SPEG: variants seen among roughly 807,000 people sequenced by gnomAD.
SPEG encodes the protein striated muscle enriched protein kinase, also known as striated muscle preferentially expressed protein kinase.
A neutral mutation model predicts 300.4 loss-of-function variants in SPEG; 114 were observed. The observed-to-expected ratio is 0.38, with a 90% CI of 0.33 to 0.44. The LOEUF (loss-of-function observed/expected upper bound fraction) is 0.44. SPEG is among the 20% of genes least tolerant of loss of function. SPEG has a pLI of 1.00. For synonymous variants in SPEG, 1,964 were observed against 2,018.9 expected, an observed-to-expected ratio of 0.97 and a Z score of 0.73; for missense variants, 4,201 against 4,586.2, an observed-to-expected ratio of 0.92 and a Z score of 2.43.
At chr2:219,462,535 C>T (rs1435391380) in intron 8 of SPEG, 149 bp downstream of exon 8, 2 of 627,926 alleles carry the variant, frequency 3.2e-6, no homozygotes, top group Non-Finnish European at 5.5e-6. Context: ...GCAGTGTACT[C>T]CCCCCGGCAC....
Position 219,448,912 on chromosome 2 carries a change from G to C in SPEG, c.1754G>C (p.Gly585Ala). ...GPAGRTEPGE[G>A]PQQEVRRRDQ... ...GCGGGCAGGACAGAGCCGGGGGAAG[G>C]CCCGCAGCAGGAGGTTAGGCGTCGG... is the stretch of plus-strand genomic sequence containing the variant. Residue 585 changes from glycine (G) to alanine (A), a missense_variant, in exon 4 of 41, where the codon GGC (glycine) becomes GCC (alanine). Gly to Ala is a moderately conservative substitution (Grantham distance 60, BLOSUM62 0). Coordinates refer to ENST00000312358, the MANE Select transcript of SPEG (RefSeq NM_005876.5). The C allele has an allele frequency of 6.8e-7, 1 of 1,466,000 alleles. No individual in the cohort carries two copies. Among genetic ancestry groups the C allele is most frequent in the Middle Eastern group, 1.9e-4 (1 of 5,232 alleles). The allele number at this position is 1,466,000 out of a possible 1,614,324, so 90.8% of individuals were successfully genotyped here. A position where few individuals can be genotyped will look rare whatever the true frequency, so the allele number is the denominator to read the frequency against.
In SPEG at chr2:219,491,727, G is replaced by C. The variant is rs6747041; in HGVS notation, c.9386-67G>C. 440,015 of 1,298,348 alleles carry C rather than the reference G, an allele frequency of 0.34. 76,820 individuals carry two copies. The highest frequency in any genetic ancestry group is 0.48 in the South Asian group (39,243 of 81,594). The allele number at this position is 1,298,348 out of a possible 1,614,324, so 80.4% of individuals were successfully genotyped here. ...TTGTCCTGCTGCTCAAGCACCCAGG[G>C]ACCTCCCCCGCCCCCACTTCCCTGC... is the stretch of plus-strand genomic sequence containing the variant. On this transcript the variant is annotated intron_variant, in intron 38 of 40. Coordinates refer to ENST00000312358, the MANE Select transcript of SPEG (RefSeq NM_005876.5).
At position 219,481,745 on chromosome 2, in the gene SPEG, T is replaced by C. The variant is rs1692864270; in HGVS notation, c.5565+65T>C. Reference sequence around the variant, plus strand: ...GGAGAGAGAATGTTACTAACAGCTCTATTTATTGAGTACCTACTGTGTGCA... The same window carrying C: ...GGAGAGAGAATGTTACTAACAGCTCCATTTATTGAGTACCTACTGTGTGCA... On this transcript the variant is annotated intron_variant, in intron 28 of 40. Coordinates refer to ENST00000312358, the MANE Select transcript of SPEG (RefSeq NM_005876.5). This position sits in a 1 kb window ranked among gnomAD's most constrained non-coding sequence, Gnocchi z 5.4. The C allele has an allele frequency of 1.4e-6, 2 of 1,437,510 alleles. No homozygotes were observed. The highest frequency in any genetic ancestry group is 2.0e-6 in the Non-Finnish European group (2 of 1,020,130). The allele number at this position is 1,437,510 out of a possible 1,614,324, so 89.0% of individuals were successfully genotyped here.
At chr2:219,449,372 G>C (rs1336676821) in intron 4 of SPEG, 101 bp downstream of exon 4, 3 of 944,278 alleles carry the variant, frequency 3.2e-6, no homozygotes, top group Non-Finnish European at 1.4e-6. Flanking sequence ...CGGGGGTTTC[G>C]CCTGGGGCTG....
intron 31 of SPEG, among the ~76,000 whole-genome samples, chr2:219,487,596 T>C (rs1477149696): frequency 2.0e-5 from 3 of 152,020 alleles, no homozygotes; most frequent in Admixed American, 1.3e-4. Context: ...CCTGAAGGAG[T>C]ATACAGAAGA....
Position 219,477,137 on chromosome 2 carries a change from A to C in SPEG, c.4561-140A>C. The C allele has an allele frequency of 1.0e-6, 1 of 989,460 alleles. No individual in the cohort carries two copies. Among genetic ancestry groups the C allele is most frequent in the African/African-American group, 1.6e-5 (1 of 63,330 alleles). 61.3% of individuals were successfully genotyped at this position (989,460 alleles called of 1,614,324 possible). A position where few individuals can be genotyped will look rare whatever the true frequency, so the allele number is the denominator to read the frequency against. ...AGAGGACTGACTAGCTGAGGGGTGC[A>C]GGGCTTTCTGTGGGAGATAAGGGAG... On this transcript the variant is annotated intron_variant, in intron 19 of 40. Transcript: ENST00000312358. The surrounding 1 kb of genome is among the most constrained non-coding windows in gnomAD (Gnocchi z 6.4).
chr2:219,444,573 G>A lies in SPEG; in HGVS notation c.389-80G>A. On this transcript the variant is annotated intron_variant, in intron 1 of 40. Coordinates refer to ENST00000312358, the MANE Select transcript of SPEG (RefSeq NM_005876.5). This position sits in a 1 kb window ranked among gnomAD's most constrained non-coding sequence, Gnocchi z 7.8. Reference sequence around the variant, plus strand: ...AGTGATAAGATGGAGCCTGCTGTTGGCAGGGAGGCAGAAGGCAATAGGGAA... The same window carrying A: ...AGTGATAAGATGGAGCCTGCTGTTGACAGGGAGGCAGAAGGCAATAGGGAA... 8.3e-7 allele frequency: 1 copy of A among 1,206,278 alleles called. No individual in the cohort carries two copies. The highest frequency in any genetic ancestry group is 1.2e-6 in the Non-Finnish European group (1 of 818,468). The allele number at this position is 1,206,278 out of a possible 1,614,324, so 74.7% of individuals were successfully genotyped here. A position where few individuals can be genotyped will look rare whatever the true frequency, so the allele number is the denominator to read the frequency against.
In SPEG at chr2:219,469,161, A is replaced by C; in HGVS notation, c.3497A>C (p.Lys1166Thr). The C allele has an allele frequency of 6.2e-7, 1 of 1,613,854 alleles. No individual in the cohort carries two copies. Among genetic ancestry groups the C allele is most frequent in the Non-Finnish European group, 8.5e-7 (1 of 1,179,978 alleles). Residue 1166 changes from lysine (K) to threonine (T), a missense_variant, in exon 13 of 41, where the codon AAG becomes ACG. Lys to Thr is a moderately conservative substitution (Grantham distance 78). Around this residue, in one of 4 missense-constraint regions of SPEG, gnomAD observed 1,047 missense variants for 1,356.8 expected, o/e 0.77. Coordinates refer to ENST00000312358, the MANE Select transcript of SPEG (RefSeq NM_005876.5). ...GCAGCTGTGTGGTCTTGCAGCTCGA[A>C]GCTGGAGAAGATGCCATCCATTCCC... The part of the protein sequence containing the change: ...PRTAASGPSS[K>T]LEKMPSIPEE...
chr2:219,483,300 C>T lies in SPEG; in HGVS notation c.5837C>T (p.Ser1946Phe). The change falls in exon 30 of 41, where the codon TCC becomes TTC. Residue 1946 changes from serine (S) to phenylalanine (F), a missense_variant. This residue lies in a region of SPEG where 1,578 missense variants were observed against 1,506.0 expected (regional missense o/e 1.05). Transcript: ENST00000312358. Reference protein sequence around the residue: ...PRPLQPEFSGSRVSLTDIPTE... With the variant: ...PRPLQPEFSGFRVSLTDIPTE... ...CCACTGCAGCCCGAGTTCTCTGGCT[C>T]CCGGGTGTCCCTCACAGACATTCCC... is the stretch of plus-strand genomic sequence containing the variant. 6.2e-7 allele frequency: 1 copy of T among 1,606,370 alleles called. No individual in the cohort carries two copies. The highest frequency in any genetic ancestry group is 8.5e-7 in the Non-Finnish European group (1 of 1,176,530).
At position 219,493,452 on chromosome 2, in the gene SPEG, G is replaced by T; in HGVS notation, c.*666G>T. 2.4e-6 allele frequency: 1 copy of T among 424,534 alleles called. No homozygotes were observed. Among genetic ancestry groups the T allele is most frequent in the South Asian group, 1.7e-5 (1 of 58,252 alleles). The allele number at this position is 424,534 out of a possible 1,614,324, so 26.3% of individuals were successfully genotyped here. Reference sequence around the variant, plus strand: ...CTGGGCGCTCTGCTGGCCCAAGGATGTCCCCACTGCCCCTCCATGGCCTCT... The same window carrying T: ...CTGGGCGCTCTGCTGGCCCAAGGATTTCCCCACTGCCCCTCCATGGCCTCT... On this transcript the variant is annotated 3_prime_UTR_variant, in exon 41 of 41. Coordinates refer to ENST00000312358, the MANE Select transcript of SPEG (RefSeq NM_005876.5).
chr2:219,481,406 G>A lies in SPEG; in HGVS notation c.5472G>A (p.Leu1824=). Residue 1824 remains leucine, a synonymous_variant, in exon 27 of 41, where the codon CTG becomes CTA. Coordinates refer to ENST00000312358, the MANE Select transcript of SPEG (RefSeq NM_005876.5). This position sits in a 1 kb window ranked among gnomAD's most constrained non-coding sequence, Gnocchi z 5.4. ...TCGAGGAGACCACATTCCTGAGCCT[G>A]AGCAGGGAGGCCCGGGGCTTCCTCA... The part of the protein sequence containing the change: ...VAFEETTFLS[L]SREARGFLIK... 2 of 1,614,180 alleles carry A rather than the reference G, an allele frequency of 1.2e-6. No individual in the cohort carries two copies. The highest frequency in any genetic ancestry group is 1.7e-6 in the Non-Finnish European group (2 of 1,180,018).
Position 219,481,147 on chromosome 2 carries a change from C to T in SPEG, c.5370-157C>T, listed in dbSNP as rs1050349414. The stretch of plus-strand genomic sequence containing the variant: ...CAGGGGGGCTGGGGAGGGGACAGGG[C>T]AGGAGAGAGTCCGCAGCCTCACCTC... On this transcript the variant is annotated intron_variant, in intron 26 of 40. Transcript: ENST00000312358. This position sits in a 1 kb window ranked among gnomAD's most constrained non-coding sequence, Gnocchi z 5.4. Among the ~76,000 whole-genome samples, 18 of 152,128 alleles carry T rather than the reference C, an allele frequency of 1.2e-4. No homozygotes were observed. Among genetic ancestry groups the T allele is most frequent in the Admixed American group, 1.1e-3 (17 of 15,270 alleles).
At position 219,477,019 on chromosome 2, in the gene SPEG, G is replaced by T; in HGVS notation, c.4560+37G>T. On this transcript the variant is annotated intron_variant, in intron 19 of 40. Transcript: ENST00000312358. The surrounding 1 kb of genome is among the most constrained non-coding windows in gnomAD (Gnocchi z 6.4). ...CTGCTGGCTGAGCCTGGGGGAGGGAGGAGGGGCTCCCTGGGGGCGTGGGAG... is the reference window on the plus strand; with the variant it reads ...CTGCTGGCTGAGCCTGGGGGAGGGATGAGGGGCTCCCTGGGGGCGTGGGAG... The T allele has an allele frequency of 6.5e-7, 1 of 1,539,198 alleles. No homozygotes were observed.
At position 219,488,582 on chromosome 2, in the gene SPEG, G is replaced by A. The variant is rs773671133; in HGVS notation, c.7943G>A (p.Gly2648Asp). 7 of 1,612,126 alleles carry A rather than the reference G, an allele frequency of 4.3e-6. No individual in the cohort carries two copies. Among genetic ancestry groups the A allele is most frequent in the African/African-American group, 4.0e-5 (3 of 74,908 alleles). The part of the protein sequence containing the change: ...GRQLLSIPRA[G>D]KRHAGLYECS... ...CAGCTGCTCAGCATCCCCCGGGCGGGCAAGCGGCACGCCGGTCTCTATGAG... is the reference window on the plus strand; with the variant it reads ...CAGCTGCTCAGCATCCCCCGGGCGGACAAGCGGCACGCCGGTCTCTATGAG... The change falls in exon 33 of 41, where the codon GGC becomes GAC. Residue 2648 changes from glycine (G) to aspartate (D), a missense_variant. Around this residue, in one of 4 missense-constraint regions of SPEG, gnomAD observed 1,578 missense variants for 1,506.0 expected, o/e 1.05. Coordinates refer to ENST00000312358, the MANE Select transcript of SPEG (RefSeq NM_005876.5).
rs1690600504 is a variant in SPEG at position 219,460,715 on chromosome 2, TGGTCTCG to T, written c.2441-1165_2441-1159del. ...TCCACACCAGGGCCCAGGCTGCCTG[TGGTCTCG>T]GCAGGCACCACCTTCCTAGCCAGCT... On this transcript the variant is annotated intron_variant, in intron 6 of 40. Coordinates refer to ENST00000312358, the MANE Select transcript of SPEG (RefSeq NM_005876.5). 1.2e-5 allele frequency: 12 copies of T among 984,344 alleles called. No individual in the cohort carries two copies. The South Asian group carries it at 5.7e-4, about 47-fold the overall frequency. The allele number at this position is 984,344 out of a possible 1,614,324, so 61.0% of individuals were successfully genotyped here. A position where few individuals can be genotyped will look rare whatever the true frequency, so the allele number is the denominator to read the frequency against.
At chr2:219,467,633 C>G (rs975781719) in intron 10 of SPEG, among the ~76,000 whole-genome samples, 199 bp downstream of exon 10, 11 of 152,240 alleles carry the variant, frequency 7.2e-5, no homozygotes, top group Admixed American at 7.2e-4. Context: ...AAGGCCGCAA[C>G]AGGGTTAACT....
Position 219,483,158 on chromosome 2 carries a change from G to C in SPEG, c.5695G>C (p.Ala1899Pro), listed in dbSNP as rs563985830. The change falls in exon 30 of 41, where the codon GCC (alanine) becomes CCC (proline). Residue 1899 changes from alanine (A) to proline (P), a missense_variant. Physicochemically the swap from Ala to Pro is conservative, Grantham distance 27 (BLOSUM62 -1). This residue lies in a region of SPEG where 1,578 missense variants were observed against 1,506.0 expected (regional missense o/e 1.05). Transcript: ENST00000312358. ...VLRPIPELLR[A>P]PPERVWVTMP... ...GCGCCCCATCCCCGAGCTGCTGCGG[G>C]CCCCCCCAGAGCGGGTGTGGGTGAC... is the stretch of plus-strand genomic sequence containing the variant. 7 of 1,609,210 alleles carry C rather than the reference G, an allele frequency of 4.3e-6. No homozygotes were observed. Among genetic ancestry groups the C allele is most frequent in the East Asian group, 2.2e-5 (1 of 44,794 alleles).
chr2:219,447,785 C>T (rs1024976820), intron 3 of SPEG, among the ~76,000 whole-genome samples, 189 bp from the exon 4 acceptor site: 1 of 151,886 alleles, frequency 6.6e-6, no homozygotes, highest in African/African-American at 2.4e-5. Flanking sequence ...TCCAGAGCCG[C>T]CGGCCTCTCC....
At chr2:219,467,468 G>A (rs1428799115) in intron 10 of SPEG, 34 bp downstream of exon 10, 1 of 1,574,086 alleles carries the variant, frequency 6.4e-7, no homozygotes, top group Non-Finnish European at 8.6e-7. Context: ...GCTGCCGTGG[G>A]TGCCCAAGAG....
Sources: allele counts gnomAD v4.1 joint callset (sites outside exome capture counted in the v4.1 genomes callset), GRCh38; gene constraint gnomAD v4.1.1; regional missense constraint gnomAD v4.1.1; non-coding constraint Gnocchi (gnomAD v3.1); transcripts MANE v1.5; gene names NCBI Gene and HGNC (gene_info 2026-07-23, HGNC 2026-07-21).